Variants in MDGA1 observed in about 807,000 individuals in gnomAD.
MDGA1 encodes the protein MAM domain containing glycosylphosphatidylinositol anchor 1.
Under a neutral mutation model 101.5 loss-of-function variants are expected in MDGA1, and 54 were observed. The ratio of observed to expected loss-of-function variants is 0.53; its 90% CI spans 0.43 to 0.67. The LOEUF (loss-of-function observed/expected upper bound fraction) is 0.67, where lower values mean the gene tolerates loss of function less well. MDGA1 is among the 30% of genes least tolerant of loss of function. The pLI is 0.00. For synonymous variants in MDGA1, 533 were observed against 558.3 expected, an observed-to-expected ratio of 0.95 and a Z score of 0.64; for missense variants, 1,083 against 1,323.8, an observed-to-expected ratio of 0.82 and a Z score of 2.82.
chr6:37,671,733 C>T (rs1355483203), intron 1 of MDGA1, among the ~76,000 whole-genome samples: 1 of 152,154 alleles, frequency 6.6e-6, no homozygotes, highest in Non-Finnish European at 1.5e-5. Context: ...ATCAAAGACC[C>T]CCATCCCCCA....
chr6:37,658,436 G>A lies in MDGA1; in HGVS notation c.208-17C>T, dbSNP rs1761545085. 1 of 1,594,540 alleles carries A rather than the reference G, an allele frequency of 6.3e-7. No individual in the cohort carries two copies. Among genetic ancestry groups the A allele is most frequent in the Non-Finnish European group, 8.5e-7 (1 of 1,170,154 alleles). On this transcript the variant is annotated splice_polypyrimidine_tract_variant and intron_variant, in intron 2 of 16. Coordinates refer to ENST00000434837, the MANE Select transcript of MDGA1 (RefSeq NM_153487.4). ...CCACCGTACCTGGGCCGCCAGGCGG[G>A]GCAGAGTCAGACTGTCAGACTCACA...
chr6:37,679,050 T>C (rs1237377131), intron 1 of MDGA1, among the ~76,000 whole-genome samples: 1 of 152,072 alleles, frequency 6.6e-6, no homozygotes, highest in East Asian at 1.9e-4. Flanking sequence ...TATTTATAAA[T>C]TGAGAAATGC....
At position 37,647,223 on chromosome 6, in the gene MDGA1, C is replaced by T; in HGVS notation, c.1996G>A (p.Glu666Lys). 2 of 1,592,264 alleles carry T rather than the reference C, an allele frequency of 1.3e-6. No homozygotes were observed. Among genetic ancestry groups the T allele is most frequent in the African/African-American group, 1.3e-5 (1 of 74,744 alleles). The part of the protein sequence containing the change: ...YSYVLQWTQR[E>K]PDAVDPVLNY... The stretch of plus-strand genomic sequence containing the variant: ...AGCACAGGGTCGACAGCGTCGGGCT[C>T]CCTCTGAGTCCACTGCAGCACGTAG... The change falls in exon 10 of 17, where the codon GAG becomes AAG. Residue 666 changes from glutamate (E) to lysine (K), a missense_variant. Physicochemically the swap from Glu to Lys is moderately conservative, Grantham distance 56. Transcript: ENST00000434837.
At chr6:37,693,711 A>G (rs1335592071) in intron 1 of MDGA1, among the ~76,000 whole-genome samples, 2 of 152,330 alleles carry the variant, frequency 1.3e-5, no homozygotes, top group East Asian at 3.9e-4. Context: ...CACTGGGGCC[A>G]GCCCAGCCCC....
At chr6:37,658,212 C>A in intron 3 of MDGA1, 33 bp downstream of exon 3, 5 of 1,529,854 alleles carry the variant, frequency 3.3e-6, no homozygotes, top group Non-Finnish European at 4.4e-6. Context: ...GCTGGGCTGT[C>A]AGGGCCCGGG....
At chr6:37,666,359 C>CAAAAAAAAAAAAAAAAAAA (rs34277023) in intron 1 of MDGA1, among the ~76,000 whole-genome samples, 1 of 99,872 alleles carries the variant, frequency 1.0e-5, no homozygotes, top group Non-Finnish European at 2.2e-5. Context: ...CACTCCGTCT[C>CAAAAAAAAAAAAAAAAAAA]AAAAAAAAAA....
At chr6:37,679,892 C>T (rs923144273) in intron 1 of MDGA1, among the ~76,000 whole-genome samples, 12 of 152,354 alleles carry the variant, frequency 7.9e-5, no homozygotes, top group Non-Finnish European at 1.6e-4. Flanking sequence ...AGCAGACCTC[C>T]ACCCCAGGTC....
In MDGA1 at chr6:37,655,532, A is replaced by G; in HGVS notation, c.579+168T>C. 1.6e-6 allele frequency: 1 copy of G among 607,044 alleles called. No individual in the cohort carries two copies. Among genetic ancestry groups the G allele is most frequent in the South Asian group, 2.1e-5 (1 of 47,500 alleles). The allele number at this position is 607,044 out of a possible 1,614,324, so 37.6% of individuals were successfully genotyped here. On this transcript the variant is annotated intron_variant, in intron 4 of 16. Transcript: ENST00000434837. This position sits in a 1 kb window ranked among gnomAD's most constrained non-coding sequence, Gnocchi z 5.1. ...CTCATTGCTGCTCCCTGACCTTTCC[A>G]TCTGATTTTTCTGCCCCAGGCTGTC...
At chr6:37,647,032 C>T in intron 10 of MDGA1, 141 bp downstream of exon 10, 1 of 739,798 alleles carries the variant, frequency 1.4e-6, no homozygotes, top group Non-Finnish European at 2.2e-6. Context: ...ACTTTTCTCC[C>T]TGCCCCTGAA....
intron 14 of MDGA1, 145 bp downstream of exon 14, chr6:37,643,664 G>C: frequency 8.7e-7 from 1 of 1,143,676 alleles, no homozygotes; most frequent in South Asian, 1.5e-5. Flanking sequence ...CCAATTCTCT[G>C]TGCAGACCCG....
In MDGA1 at chr6:37,665,933, T is replaced by C. The variant is rs1240886288; in HGVS notation, c.68-1827A>G. Among the ~76,000 whole-genome samples, 3 of 152,206 alleles carry C rather than the reference T, an allele frequency of 2.0e-5. No homozygotes were observed. In the East Asian group the frequency reaches 5.8e-4, roughly 29 times the overall value. On this transcript the variant is annotated intron_variant, in intron 1 of 16. Coordinates refer to ENST00000434837, the MANE Select transcript of MDGA1 (RefSeq NM_153487.4). ...TGAAAATGTATACCTGGCCCACCTGTTCAGCAGAAATTCCTGTCTCACCTT... is the reference window on the plus strand; with the variant it reads ...TGAAAATGTATACCTGGCCCACCTGCTCAGCAGAAATTCCTGTCTCACCTT...
chr6:37,654,286 G>C lies in MDGA1; in HGVS notation c.970C>G (p.Leu324Val). The C allele has an allele frequency of 6.4e-7, 1 of 1,552,940 alleles. No individual in the cohort carries two copies. The highest frequency in any genetic ancestry group is 2.3e-5 in the East Asian group (1 of 44,356). The change falls in exon 6 of 17, where the codon CTG becomes GTG. Residue 324 changes from leucine to valine, a missense_variant. Around this residue, in one of 3 missense-constraint regions of MDGA1, gnomAD observed 116 missense variants for 196.6 expected, o/e 0.59. Transcript: ENST00000434837. Reference protein sequence around the residue: ...VGNPAKKTVNLLVRSMKNATF... With the variant: ...VGNPAKKTVNVLVRSMKNATF... Reference sequence around the variant, plus strand: ...TGAGGCCACGTACATCGCACCAGCAGGTTGACAGTCTTCTTGGCAGGGTTG... The same window carrying C: ...TGAGGCCACGTACATCGCACCAGCACGTTGACAGTCTTCTTGGCAGGGTTG...
chr6:37,658,451 T>C (rs1001092286), intron 2 of MDGA1, 32 bp from the exon 3 acceptor site: 7 of 1,580,352 alleles, frequency 4.4e-6, no homozygotes, highest in Middle Eastern at 1.7e-4. Context: ...AGTCAGACTG[T>C]CAGACTCACA....
At chr6:37,663,062 A>G (rs1159431169) in intron 2 of MDGA1, among the ~76,000 whole-genome samples, 9 of 152,184 alleles carry the variant, frequency 5.9e-5, no homozygotes, top group Non-Finnish European at 1.0e-4. Context: ...TCCCAAAATG[A>G]TCTAGAAAAA....
In MDGA1 at chr6:37,638,368, C is replaced by T; in HGVS notation, c.2668-55G>A. On this transcript the variant is annotated intron_variant, in intron 15 of 16. Transcript: ENST00000434837. This position sits in a 1 kb window ranked among gnomAD's most constrained non-coding sequence, Gnocchi z 4.8. ...GGGTTGAGGAGGTTCTGCTGGGTAC[C>T]AGAGTGCTCCCTCGACCCCACCTTT... 6.6e-7 allele frequency: 1 copy of T among 1,523,976 alleles called. No individual in the cohort carries two copies. Among genetic ancestry groups the T allele is most frequent in the Non-Finnish European group, 8.9e-7 (1 of 1,117,796 alleles). 94.4% of individuals were successfully genotyped at this position (1,523,976 alleles called of 1,614,324 possible). A position where few individuals can be genotyped will look rare whatever the true frequency, so the allele number is the denominator to read the frequency against.
chr6:37,681,233 C>T (rs760712067), intron 1 of MDGA1, among the ~76,000 whole-genome samples: 91 of 152,304 alleles, frequency 6.0e-4, no homozygotes, highest in Admixed American at 2.3e-3. Flanking sequence ...TTTTCACTCG[C>T]GGACTGCTAA....
chr6:37,637,299 G>A lies in MDGA1; in HGVS notation c.*69C>T. On this transcript the variant is annotated 3_prime_UTR_variant, in exon 17 of 17. Coordinates refer to ENST00000434837, the MANE Select transcript of MDGA1 (RefSeq NM_153487.4). ...TGGGCACCCCAGCTGGCGGGGGTCAGTCTTTGGTACAATGTGGACACTTTG... is the reference window on the plus strand; with the variant it reads ...TGGGCACCCCAGCTGGCGGGGGTCAATCTTTGGTACAATGTGGACACTTTG... 1.5e-6 allele frequency: 2 copies of A among 1,351,388 alleles called. No homozygotes were observed. The highest frequency in any genetic ancestry group is 2.1e-6 in the Non-Finnish European group (2 of 952,296). 83.7% of individuals were successfully genotyped at this position (1,351,388 alleles called of 1,614,324 possible). A position where few individuals can be genotyped will look rare whatever the true frequency, so the allele number is the denominator to read the frequency against.
chr6:37,652,065 G>A lies in MDGA1; in HGVS notation c.1258C>T (p.Pro420Ser). The change falls in exon 7 of 17, where the codon CCA becomes TCA. Residue 420 changes from proline to serine, a missense_variant. Physicochemically the swap from Pro to Ser is moderately conservative, Grantham distance 74. Transcript: ENST00000434837. The surrounding 1 kb of genome is among the most constrained non-coding windows in gnomAD (Gnocchi z 4.3). ...YGTYLCMASF[P>S]GAPVPDLSVE... The stretch of plus-strand genomic sequence containing the variant: ...CTGAGGTCGGGCACGGGTGCCCCTG[G>A]GAAAGAAGCCATGCACAGGTAGGTG... 2 of 1,612,290 alleles carry A rather than the reference G, an allele frequency of 1.2e-6. No homozygotes were observed. The highest frequency in any genetic ancestry group is 1.7e-6 in the Non-Finnish European group (2 of 1,179,492).
Position 37,633,532 on chromosome 6 carries a change from G to T in MDGA1, c.*3836C>A. 6.6e-6 allele frequency: 1 copy of T among 152,452 alleles called. No homozygotes were observed. 9.4% of individuals were successfully genotyped at this position (152,452 alleles called of 1,614,324 possible). On this transcript the variant is annotated 3_prime_UTR_variant, in exon 17 of 17. Coordinates refer to ENST00000434837, the MANE Select transcript of MDGA1 (RefSeq NM_153487.4). Reference sequence around the variant, plus strand: ...AGCCCAAGCTCTTGTGAAGTCACAGGGGAGAGGAGGGGAAACAGGGTCTCT... The same window carrying T: ...AGCCCAAGCTCTTGTGAAGTCACAGTGGAGAGGAGGGGAAACAGGGTCTCT...
Sources: allele counts gnomAD v4.1 joint callset (sites outside exome capture counted in the v4.1 genomes callset), GRCh38; gene constraint gnomAD v4.1.1; regional missense constraint gnomAD v4.1.1; non-coding constraint Gnocchi (gnomAD v3.1); transcripts MANE v1.5; gene names NCBI Gene and HGNC (gene_info 2026-07-23, HGNC 2026-07-21).